Variants in GRIN1 observed in about 807,000 individuals in gnomAD.
GRIN1 encodes the protein glutamate ionotropic receptor NMDA type subunit 1.
In GRIN1, 38 loss-of-function variants were observed where a neutral mutation model predicts 103.0. That is an observed-to-expected ratio of 0.37 (90% CI 0.28 to 0.48). The LOEUF (loss-of-function observed/expected upper bound fraction) is 0.48, where lower values mean the gene tolerates loss of function less well. Ranked by LOEUF, GRIN1 falls within the 20% of genes least tolerant of loss-of-function variation. The probability of loss-of-function intolerance (pLI) is 0.98; values close to 1 mark genes in which losing one functional copy is unlikely to be tolerated. For missense variants in GRIN1, 577 were observed against 1,288.9 expected, an observed-to-expected ratio of 0.45 and a Z score of 8.46; for synonymous variants, 544 against 532.7, an observed-to-expected ratio of 1.02 and a Z score of -0.29.
At position 137,168,272 on chromosome 9, in the gene GRIN1, C is replaced by T; in HGVS notation, c.*745C>T. On this transcript the variant is annotated 3_prime_UTR_variant, in exon 20 of 20. Coordinates refer to ENST00000371561, the MANE Select transcript of GRIN1 (RefSeq NM_007327.4). ...CCTGCGCTCCTCTGCAGCCTGAGCT[C>T]CACCCTCCCCTCTTCTTGCGGCACC... 1 of 238,856 alleles carries T rather than the reference C, an allele frequency of 4.2e-6. No homozygotes were observed. The highest frequency in any genetic ancestry group is 2.3e-5 in the African/African-American group (1 of 42,764). The allele number at this position is 238,856 out of a possible 1,614,324, so 14.8% of individuals were successfully genotyped here.
intron 2 of GRIN1, among the ~76,000 whole-genome samples, chr9:137,144,701 G>C (rs1213500389): frequency 6.8e-6 from 1 of 146,588 alleles, no homozygotes; most frequent in Non-Finnish European, 1.5e-5. Flanking sequence ...ACAGGAGGGG[G>C]TCCCAGGGTC....
At chr9:137,160,221 G>T (rs1189582802) in intron 8 of GRIN1, among the ~76,000 whole-genome samples, 1 of 152,246 alleles carries the variant, frequency 6.6e-6, no homozygotes, top group African/African-American at 2.4e-5. Context: ...ACTGGGGGCC[G>T]GGACAGGCAG....
In GRIN1 at chr9:137,145,988, C is replaced by T. The variant is rs1832509390; in HGVS notation, c.570+86C>T. The T allele has an allele frequency of 2.1e-6, 2 of 964,282 alleles. 1 individual carries two copies. Among genetic ancestry groups the T allele is most frequent in the East Asian group, 5.3e-5 (2 of 37,986 alleles). The allele number at this position is 964,282 out of a possible 1,614,324, so 59.7% of individuals were successfully genotyped here. A position where few individuals can be genotyped will look rare whatever the true frequency, so the allele number is the denominator to read the frequency against. On this transcript the variant is annotated intron_variant, in intron 3 of 19. Coordinates refer to ENST00000371561, the MANE Select transcript of GRIN1 (RefSeq NM_007327.4). ...GTGTCTGTGGCTCCGTGTGTGACACCCTCTTCTTTCCATCGTGCATGGTCA... is the reference window on the plus strand; with the variant it reads ...GTGTCTGTGGCTCCGTGTGTGACACTCTCTTCTTTCCATCGTGCATGGTCA...
intron 4 of GRIN1, among the ~76,000 whole-genome samples, chr9:137,149,883 G>A (rs1340944739): frequency 2.0e-5 from 3 of 152,164 alleles, no homozygotes; most frequent in African/African-American, 7.2e-5. Flanking sequence ...CTCCAGCCCT[G>A]CATATGGGAA....
In GRIN1 at chr9:137,168,395, CGCCGCCTCGG is replaced by C. The variant is rs1054393231; in HGVS notation, c.*877_*886del. 54 of 192,072 alleles carry C rather than the reference CGCCGCCTCGG, an allele frequency of 2.8e-4. 1 individual carries two copies. The highest frequency in any genetic ancestry group is 1.1e-3 in the African/African-American group (48 of 42,178). The allele number at this position is 192,072 out of a possible 1,614,324, so 11.9% of individuals were successfully genotyped here. Reference sequence around the variant, plus strand: ...TGACTTCCCAGCTGGCAGCGCCTCCCGCCGCCTCGGGCCGCCTCCTCCAGACTCGAGAGGG... The same window carrying C: ...TGACTTCCCAGCTGGCAGCGCCTCCCGCCGCCTCCTCCAGACTCGAGAGGG... On this transcript the variant is annotated 3_prime_UTR_variant, in exon 20 of 20. Transcript: ENST00000371561.
At chr9:137,160,681 CG>C (rs1469793021) in intron 8 of GRIN1, among the ~76,000 whole-genome samples, 1 of 152,206 alleles carries the variant, frequency 6.6e-6, no homozygotes, top group Non-Finnish European at 1.5e-5. Context: ...CCGGCCGCCT[CG>C]GCCTCCCAAA....
At chr9:137,165,705 G>A (rs772926117) in intron 19 of GRIN1, among the ~76,000 whole-genome samples, 4 of 152,170 alleles carry the variant, frequency 2.6e-5, no homozygotes, top group Non-Finnish European at 5.9e-5. Flanking sequence ...TTATGTCCCC[G>A]TTTCTCTCGC....
chr9:137,154,005 T>C (rs1397555185), intron 4 of GRIN1, among the ~76,000 whole-genome samples: 5 of 151,742 alleles, frequency 3.3e-5, no homozygotes, highest in Admixed American at 1.3e-4. Flanking sequence ...AGAGATGAGG[T>C]TTCACCATGT....
intron 2 of GRIN1, 86 bp downstream of exon 2, chr9:137,142,233 C>T (rs1832217740): frequency 2.9e-6 from 4 of 1,364,276 alleles, no homozygotes; most frequent in Admixed American, 1.7e-5. Context: ...CCGACCCGCT[C>T]ACATGGAACT....
chr9:137,164,063 G>A, intron 18 of GRIN1, 159 bp downstream of exon 18: 1 of 880,064 alleles, frequency 1.1e-6, no homozygotes, highest in East Asian at 2.6e-5. Context: ...CAGGGCACGG[G>A]GGCAGCACCG....
Position 137,162,719 on chromosome 9 carries a change from A to G in GRIN1, c.1993A>G (p.Thr665Ala). The change falls in exon 14 of 20, where the codon ACG becomes GCG. Residue 665 changes from threonine to alanine, a missense_variant. Thr to Ala is a moderately conservative substitution (Grantham distance 58). Transcript: ENST00000371561. ...LVLDRPEERI[T>A]GINDPRLRNP... ...GCTGGACCGGCCGGAGGAGCGCATC[A>G]CGGGCATCAACGACCCTCGGGTGAG... is the stretch of plus-strand genomic sequence containing the variant. 1 of 1,605,772 alleles carries G rather than the reference A, an allele frequency of 6.2e-7. No homozygotes were observed. The highest frequency in any genetic ancestry group is 8.5e-7 in the Non-Finnish European group (1 of 1,176,910).
Position 137,167,925 on chromosome 9 carries a change from C to T in GRIN1, c.*398C>T. 1 of 1,262,396 alleles carries T rather than the reference C, an allele frequency of 7.9e-7. No individual in the cohort carries two copies. Among genetic ancestry groups the T allele is most frequent in the Non-Finnish European group, 1.1e-6 (1 of 885,412 alleles). 78.2% of individuals were successfully genotyped at this position (1,262,396 alleles called of 1,614,324 possible). Reference sequence around the variant, plus strand: ...GCTGCTCGGGAAGGCCTGAGGGAAGCCCACCCGCCCCAGAGACTGCCCACC... The same window carrying T: ...GCTGCTCGGGAAGGCCTGAGGGAAGTCCACCCGCCCCAGAGACTGCCCACC... On this transcript the variant is annotated 3_prime_UTR_variant, in exon 20 of 20. Transcript: ENST00000371561.
rs559646014 is a variant in GRIN1, at chr9:137,151,190, C to A, written c.671+2081C>A. ...AGCCCCGCCCAGGGAAAGACCCGCC[C>A]AGAAAAAAGTCCCGCCCAGAAAAAA... is the stretch of plus-strand genomic sequence containing the variant. On this transcript the variant is annotated intron_variant, in intron 4 of 19. Transcript: ENST00000371561. Among the ~76,000 whole-genome samples the A allele has an allele frequency of 6.7e-5, 10 of 149,136 alleles. No individual in the cohort carries two copies. In the East Asian group the frequency reaches 1.8e-3, roughly 27 times the overall value.
chr9:137,159,220 C>A (rs1833395527), intron 8 of GRIN1, among the ~76,000 whole-genome samples: 1 of 152,148 alleles, frequency 6.6e-6, no homozygotes, highest in Non-Finnish European at 1.5e-5. Flanking sequence ...CCCTTGGCTC[C>A]CTACTCCAGG....
At chr9:137,147,114 G>A (rs562793852) in intron 3 of GRIN1, among the ~76,000 whole-genome samples, 8 of 123,876 alleles carry the variant, frequency 6.5e-5, no homozygotes, top group African/African-American at 1.8e-4. Context: ...GTCCACCCAC[G>A]GCCACGGACT....
Position 137,156,995 on chromosome 9 carries a change from T to C in GRIN1, c.926T>C (p.Val309Ala). 6.2e-7 allele frequency: 1 copy of C among 1,611,234 alleles called. No individual in the cohort carries two copies. Among genetic ancestry groups the C allele is most frequent in the Middle Eastern group, 1.7e-4 (1 of 6,060 alleles). The change falls in exon 6 of 20, where the codon GTG becomes GCG. Residue 309 changes from valine to alanine, a missense_variant. Val to Ala is a moderately conservative substitution (Grantham distance 64). Transcript: ENST00000371561. ...ATCACCGACCCGCCGCGGGGCTGCG[T>C]GGGCAACACCAACATCTGGAAGACC... is the stretch of plus-strand genomic sequence containing the variant. Reference protein sequence around the residue: ...ENITDPPRGCVGNTNIWKTGP... With the variant: ...ENITDPPRGCAGNTNIWKTGP...
At position 137,168,641 on chromosome 9, in the gene GRIN1, C is replaced by A. The variant is rs1218108755; in HGVS notation, c.*1114C>A. The A allele has an allele frequency of 2.8e-6, 1 of 354,092 alleles. No individual in the cohort carries two copies. The allele number at this position is 354,092 out of a possible 1,614,324, so 21.9% of individuals were successfully genotyped here. A position where few individuals can be genotyped will look rare whatever the true frequency, so the allele number is the denominator to read the frequency against. ...CCCAGGGCCCGAGCGCGTGCCTTCCCCGTGCGGCCCGTGCGCAGCCGCGCT... is the reference window on the plus strand; with the variant it reads ...CCCAGGGCCCGAGCGCGTGCCTTCCACGTGCGGCCCGTGCGCAGCCGCGCT... On this transcript the variant is annotated 3_prime_UTR_variant, in exon 20 of 20. Coordinates refer to ENST00000371561, the MANE Select transcript of GRIN1 (RefSeq NM_007327.4).
In GRIN1 at chr9:137,156,683, C is replaced by T; in HGVS notation, c.686C>T (p.Ala229Val). 6.3e-7 allele frequency: 1 copy of T among 1,599,662 alleles called. No homozygotes were observed. The highest frequency in any genetic ancestry group is 2.3e-5 in the East Asian group (1 of 44,184). ...CTGCCCCACAGCGAGGACGATGCTG[C>T]CACTGTATACCGCGCAGCCGCGATG... ...IILSASEDDAATVYRAAAMLN... is the reference protein window; with the variant it reads ...IILSASEDDAVTVYRAAAMLN... The change falls in exon 5 of 20, where the codon GCC becomes GTC. Residue 229 changes from alanine (A) to valine (V), a missense_variant. Transcript: ENST00000371561.
chr9:137,151,068 G>A (rs1338482813), intron 4 of GRIN1, among the ~76,000 whole-genome samples: 9 of 63,020 alleles, frequency 1.4e-4, no homozygotes, highest in Admixed American at 2.1e-4. Context: ...CCCAGGGAAA[G>A]CCCCGCCCAG....
Sources: allele counts gnomAD v4.1 joint callset (sites outside exome capture counted in the v4.1 genomes callset), GRCh38; gene constraint gnomAD v4.1.1; transcripts MANE v1.5; gene names NCBI Gene and HGNC (gene_info 2026-07-23, HGNC 2026-07-21).